The following TRIM51G variants were observed in gnomAD, a reference collection of about 807,000 sequenced individuals.
TRIM51G encodes the protein tripartite motif-containing protein 51G.
the TRIM51G span, among the ~76,000 whole-genome samples, chr11:48,976,321 A>AAATTATT: frequency 6.6e-6 from 1 of 152,076 alleles, no homozygotes; most frequent in Non-Finnish European, 1.5e-5. Flanking sequence ...CTATCAAGGT[A>AAATTATT]ATTATTATTA....
chr11:48,977,152 C>T, the TRIM51G span: 3 of 1,319,530 alleles, frequency 2.3e-6, no homozygotes, highest in South Asian at 3.5e-5. Flanking sequence ...GATTCACAGG[C>T]TCAGACACTT....
chr11:48,981,702 G>T, the TRIM51G span: 2 of 1,597,662 alleles, frequency 1.3e-6, no homozygotes, highest in South Asian at 2.2e-5. Context: ...TCATGTTTCT[G>T]AAGAAGAAAG....
At chr11:48,981,504 G>T in the TRIM51G span, 3 of 1,605,990 alleles carry the variant, frequency 1.9e-6, no homozygotes, top group Non-Finnish European at 2.6e-6. Flanking sequence ...TGTTAGTTTT[G>T]AGGTTTCTCT....
chr11:48,979,161 G>C, the TRIM51G span: 1 of 664,796 alleles, frequency 1.5e-6, no homozygotes, highest in Admixed American at 2.1e-5. Flanking sequence ...GAATTTCACT[G>C]ATTCCTCTTA....
the TRIM51G span, chr11:48,981,673 A>T: frequency 8.1e-6 from 13 of 1,599,356 alleles, no homozygotes; most frequent in East Asian, 2.2e-5. Context: ...CCTCTGGAAG[A>T]CTTGCAAGAT....
chr11:48,975,554 G>A, the TRIM51G span: 2 of 1,394,086 alleles, frequency 1.4e-6, no homozygotes, highest in Non-Finnish European at 2.0e-6. Context: ...GAGCAATTAG[G>A]GATGGTGTAT....
the TRIM51G span, among the ~76,000 whole-genome samples, chr11:48,983,205 C>T: frequency 7.3e-4 from 98 of 134,410 alleles, no homozygotes; most frequent in African/African-American, 2.6e-3. Context: ...TGAGGTAAGC[C>T]TCAATTAAAA....
At chr11:48,978,871 C>G in the TRIM51G span, 1,028,110 of 1,307,198 alleles carry the variant, frequency 0.79, 407,607 homozygotes, top group Non-Finnish European at 0.81. Flanking sequence ...TCAGTCCGTA[C>G]CTGGAATAGC....
chr11:48,978,042 A>G, the TRIM51G span: 81 of 468,944 alleles, frequency 1.7e-4, no homozygotes, highest in South Asian at 8.1e-4. Flanking sequence ...ACAAGGTAGT[A>G]TCAATATCTG....
At chr11:48,982,219 A>G in the TRIM51G span, among the ~76,000 whole-genome samples, 6 of 152,250 alleles carry the variant, frequency 3.9e-5, no homozygotes, top group Admixed American at 2.6e-4. Context: ...CAAAAAGACA[A>G]CAATTAAACC....
the TRIM51G span, chr11:48,981,832 A>C: frequency 1.0e-6 from 1 of 982,854 alleles, no homozygotes. Flanking sequence ...TTCCTCTGTA[A>C]CAAAAATGAA....
the TRIM51G span, chr11:48,981,654 G>A: frequency 1.3e-6 from 2 of 1,599,242 alleles, no homozygotes; most frequent in Non-Finnish European, 1.7e-6. Flanking sequence ...AGATGGGACA[G>A]ATGAGTTCCC....
chr11:48,978,264 G>A, the TRIM51G span: 16 of 478,008 alleles, frequency 3.3e-5, no homozygotes, highest in Middle Eastern at 3.3e-4. Context: ...TTTTCCTACA[G>A]TGTTCCCTCC....
At chr11:48,982,424 A>C in the TRIM51G span, among the ~76,000 whole-genome samples, 20 of 152,108 alleles carry the variant, frequency 1.3e-4, no homozygotes, top group Non-Finnish European at 2.5e-4. Flanking sequence ...GGATTAAATA[A>C]TACATGGAGA....
chr11:48,976,721 G>A, the TRIM51G span, among the ~76,000 whole-genome samples: 2 of 151,926 alleles, frequency 1.3e-5, no homozygotes, highest in Non-Finnish European at 2.9e-5. Flanking sequence ...CCAATGAAAT[G>A]TTTTTAACAA....
the TRIM51G span, chr11:48,980,894 C>T: frequency 1.1e-4 from 54 of 482,440 alleles, no homozygotes; most frequent in African/African-American, 9.9e-4. Context: ...GGTAGAGTAA[C>T]ACACTACTAA....
the TRIM51G span, among the ~76,000 whole-genome samples, chr11:48,976,480 T>C: frequency 6.6e-6 from 1 of 152,124 alleles, no homozygotes; most frequent in African/African-American, 2.4e-5. Flanking sequence ...TGCAAAATCT[T>C]TCACTAGTCA....
At chr11:48,978,231 G>A in the TRIM51G span, 1 of 520,862 alleles carries the variant, frequency 1.9e-6, no homozygotes, top group Non-Finnish European at 3.9e-6. Flanking sequence ...TGTGTGATAT[G>A]GAGACAGTTT....
the TRIM51G span, chr11:48,981,244 T>C: frequency 3.1e-6 from 5 of 1,599,460 alleles, no homozygotes; most frequent in Non-Finnish European, 4.3e-6. Context: ...AAGAATTCCA[T>C]GTGTCCTGTA....
Sources: gnomAD v4.1 joint callset for allele counts (sites outside exome capture counted in the v4.1 genomes callset) on GRCh38, gnomAD v4.1.1 for gene constraint, MANE v1.5 for transcripts, NCBI Gene and HGNC (gene_info 2026-07-23, HGNC 2026-07-21) for gene names.